The following SKAP1 variants were observed in gnomAD, a reference collection of about 807,000 sequenced individuals.
SKAP1 encodes the protein src kinase associated phosphoprotein 1, also known as src kinase-associated phosphoprotein 1.
In SKAP1, 44 loss-of-function variants were observed where a neutral mutation model predicts 58.5. The observed-to-expected ratio is 0.75, with a 90% CI of 0.59 to 0.97. The LOEUF (loss-of-function observed/expected upper bound fraction) is 0.97, where lower values mean the gene tolerates loss of function less well. Among genes scored for constraint, SKAP1 ranks in the 50% least tolerant of loss-of-function variants. The pLI is 0.00. For synonymous variants in SKAP1, 127 were observed against 149.7 expected (o/e 0.85, Z 1.11); for missense variants, 390 against 435.2 (o/e 0.90, Z 0.92).
At chr17:48,354,022 T>G (rs1221173620) in intron 3 of SKAP1, among the ~76,000 whole-genome samples, 1 of 151,498 alleles carries the variant, frequency 6.6e-6, no homozygotes. Flanking sequence ...ATATAAGAAA[T>G]GTTTTTCAAA....
chr17:48,177,395 G>T (rs1351411072), intron 9 of SKAP1, among the ~76,000 whole-genome samples: 2 of 152,178 alleles, frequency 1.3e-5, no homozygotes, highest in African/African-American at 4.8e-5. Flanking sequence ...GTCAGTTCCA[G>T]ACTCCTCAGC....
chr17:48,252,319 T>C (rs1715653223), intron 4 of SKAP1, among the ~76,000 whole-genome samples: 1 of 152,206 alleles, frequency 6.6e-6, no homozygotes, highest in African/African-American at 2.4e-5. Flanking sequence ...TCCTTGATTT[T>C]AATCCCAGTT....
intron 4 of SKAP1, among the ~76,000 whole-genome samples, chr17:48,217,102 T>C (rs997842049): frequency 1.3e-5 from 2 of 152,212 alleles, no homozygotes; most frequent in African/African-American, 4.8e-5. Context: ...TAAATGTTTT[T>C]GTCAAATTTG....
At chr17:48,254,849 A>C (rs1370661723) in intron 4 of SKAP1, among the ~76,000 whole-genome samples, 1 of 152,056 alleles carries the variant, frequency 6.6e-6, no homozygotes, top group African/African-American at 2.4e-5. Context: ...TAATACAAGC[A>C]AATACAATTC....
At chr17:48,200,896 A>C (rs953379830) in intron 4 of SKAP1, among the ~76,000 whole-genome samples, 1 of 152,200 alleles carries the variant, frequency 6.6e-6, no homozygotes, top group Non-Finnish European at 1.5e-5. Context: ...GGCCTCGTAC[A>C]CACAGTAGGT....
At chr17:48,220,541 A>C (rs567470431) in intron 4 of SKAP1, among the ~76,000 whole-genome samples, 5 of 152,260 alleles carry the variant, frequency 3.3e-5, no homozygotes, top group African/African-American at 9.6e-5. Flanking sequence ...ATTTTGGTGG[A>C]GATAACTGGG....
chr17:48,338,493 G>C (rs904095550), intron 4 of SKAP1, among the ~76,000 whole-genome samples: 1 of 152,090 alleles, frequency 6.6e-6, no homozygotes, highest in Non-Finnish European at 1.5e-5. Flanking sequence ...TGTTAAAACA[G>C]AGACTAGATT....
At chr17:48,194,485 A>AT (rs1270936097) in intron 4 of SKAP1, among the ~76,000 whole-genome samples, 1 of 152,170 alleles carries the variant, frequency 6.6e-6, no homozygotes, top group Non-Finnish European at 1.5e-5. Flanking sequence ...CGGCCTATTT[A>AT]ACCAGCTGCG....
intron 5 of SKAP1, 68 bp downstream of exon 5, chr17:48,189,355 T>C (rs924615534): frequency 3.9e-6 from 5 of 1,284,524 alleles, no homozygotes; most frequent in South Asian, 3.8e-5. Context: ...TCCAATGTGT[T>C]AGCCTTCTTT....
At chr17:48,225,364 T>A (rs1171050046) in intron 4 of SKAP1, among the ~76,000 whole-genome samples, 1 of 152,198 alleles carries the variant, frequency 6.6e-6, no homozygotes, top group East Asian at 1.9e-4. Flanking sequence ...CATTTATTTA[T>A]CAAGTAGATT....
At chr17:48,256,039 A>AT (rs767295555) in intron 4 of SKAP1, among the ~76,000 whole-genome samples, 7 of 152,148 alleles carry the variant, frequency 4.6e-5, no homozygotes, top group African/African-American at 7.2e-5. Flanking sequence ...GCAAAGATGC[A>AT]TTTTTAAATC....
Position 48,309,776 on chromosome 17 carries a change from G to C in SKAP1, c.280+36129C>G, listed in dbSNP as rs563205363. 2.0e-5 allele frequency among the ~76,000 whole-genome samples: 3 copies of C among 152,216 alleles called. No homozygotes were observed. The East Asian group carries it at 5.8e-4, about 29-fold the overall frequency. On this transcript the variant is annotated intron_variant, in intron 4 of 12. Coordinates refer to ENST00000336915, the MANE Select transcript of SKAP1 (RefSeq NM_003726.4). ...TCTTTATTCTTTATTATGTCTGTCAGCTACTACTAGGTGCCTAGTAGACAA... is the reference window on the plus strand; with the variant it reads ...TCTTTATTCTTTATTATGTCTGTCACCTACTACTAGGTGCCTAGTAGACAA...
chr17:48,335,075 T>A (rs1295167077), intron 4 of SKAP1, among the ~76,000 whole-genome samples: 3 of 151,898 alleles, frequency 2.0e-5, no homozygotes, highest in Admixed American at 2.0e-4. Context: ...TATGTCTATA[T>A]CATTCTTCTC....
At chr17:48,405,412 T>C (rs561980600) in intron 1 of SKAP1, among the ~76,000 whole-genome samples, 34 of 74,036 alleles carry the variant, frequency 4.6e-4, no homozygotes, top group African/African-American at 1.8e-3. Context: ...TTTCTTTCTT[T>C]CTTTCTTTCT....
intron 4 of SKAP1, among the ~76,000 whole-genome samples, chr17:48,309,097 T>C (rs1415472301): frequency 6.6e-6 from 1 of 152,010 alleles, no homozygotes; most frequent in Non-Finnish European, 1.5e-5. Flanking sequence ...TCCCAATTCA[T>C]GGTATTACTT....
intron 4 of SKAP1, among the ~76,000 whole-genome samples, chr17:48,230,810 A>G (rs1660492749): frequency 6.6e-6 from 1 of 152,188 alleles, no homozygotes; most frequent in Non-Finnish European, 1.5e-5. Context: ...GTAAGATCCT[A>G]AATCTTTATT....
intron 1 of SKAP1, among the ~76,000 whole-genome samples, chr17:48,409,080 A>C (rs1382324914): frequency 3.3e-5 from 5 of 152,338 alleles, no homozygotes; most frequent in Admixed American, 3.3e-4. Flanking sequence ...TGAGCTACCT[A>C]TGGGGTAGAT....
At chr17:48,302,128 T>C (rs1321300757) in intron 4 of SKAP1, among the ~76,000 whole-genome samples, 1 of 152,168 alleles carries the variant, frequency 6.6e-6, no homozygotes, top group Non-Finnish European at 1.5e-5. Flanking sequence ...GCCAAACTTA[T>C]CAAGTGAGTC....
chr17:48,306,495 G>C (rs537271983), intron 4 of SKAP1, among the ~76,000 whole-genome samples: 1 of 152,048 alleles, frequency 6.6e-6, no homozygotes, highest in African/African-American at 2.4e-5. Flanking sequence ...AAACAATTAT[G>C]CATTTGTCAC....
Sources: gnomAD v4.1 joint callset for allele counts (sites outside exome capture counted in the v4.1 genomes callset) on GRCh38, gnomAD v4.1.1 for gene constraint, MANE v1.5 for transcripts, NCBI Gene and HGNC (gene_info 2026-07-23, HGNC 2026-07-21) for gene names.